Variants in SMG1 observed in about 807,000 individuals in gnomAD.
SMG1 encodes the protein serine/threonine-protein kinase SMG1.
A neutral mutation model predicts 419.9 loss-of-function variants in SMG1; 22 were observed. That is an observed-to-expected ratio of 0.05 (90% CI 0.04 to 0.07). SMG1 has a LOEUF of 0.07. SMG1 is among the 10% of genes least tolerant of loss of function. SMG1 has a pLI of 1.00. For missense variants in SMG1, 3,185 were observed against 4,342.0 expected, an observed-to-expected ratio of 0.73 and a Z score of 7.49; for synonymous variants, 1,538 against 1,553.5, an observed-to-expected ratio of 0.99 and a Z score of 0.23.
Position 18,806,134 on chromosome 16 carries a change from A to G in SMG1, c.*3435T>C, listed in dbSNP as rs1398870632. 6.6e-6 allele frequency: 1 copy of G among 152,656 alleles called. No homozygotes were observed. The allele number at this position is 152,656 out of a possible 1,614,324, so 9.5% of individuals were successfully genotyped here. ...AAGTCTAATATTTGGCTGTACTTGCATTGCCCTGCTCGGCATTTTTAAAAA... is the reference window on the plus strand; with the variant it reads ...AAGTCTAATATTTGGCTGTACTTGCGTTGCCCTGCTCGGCATTTTTAAAAA... On this transcript the variant is annotated 3_prime_UTR_variant, in exon 63 of 63. Coordinates refer to ENST00000446231, the MANE Select transcript of SMG1 (RefSeq NM_015092.5).
Position 18,815,544 on chromosome 16 carries a change from T to C in SMG1, c.10410A>G (p.Leu3470=), listed in dbSNP as rs540888568. The change falls in exon 59 of 63, where the codon CTA becomes CTG. Residue 3470 remains leucine, a synonymous_variant. Coordinates refer to ENST00000446231, the MANE Select transcript of SMG1 (RefSeq NM_015092.5). The part of the protein sequence containing the change: ...KSWQDNIQTV[L]FTLVQAMGQV... ...GACCCATAGCCTGGACTAATGTAAA[T>C]AGAACTGTTTGAATGTTGTCTTGCC... The C allele has an allele frequency of 8.2e-5, 132 of 1,613,978 alleles. 1 individual carries two copies. The highest frequency in any genetic ancestry group is 5.9e-4 in the South Asian group (54 of 91,086).
chr16:18,845,402 A>C, intron 39 of SMG1, 27 bp downstream of exon 39: 1 of 1,585,748 alleles, frequency 6.3e-7, no homozygotes, highest in Non-Finnish European at 8.6e-7. Flanking sequence ...GTGCCATTTC[A>C]GTAGCATGCT....
intron 1 of SMG1, chr16:18,911,762 A>G (rs2037801259): frequency 6.6e-6 from 1 of 151,960 alleles, no homozygotes; most frequent in Non-Finnish European, 1.5e-5. Context: ...TAAGATAAAT[A>G]TCTGTGAAGG....
chr16:18,850,672 G>T (rs1331659260), intron 33 of SMG1, among the ~76,000 whole-genome samples: 2 of 152,114 alleles, frequency 1.3e-5, no homozygotes, highest in African/African-American at 4.8e-5. Context: ...AAGAATATAA[G>T]CATTTAGCAA....
chr16:18,881,118 C>CA (rs35166606), intron 10 of SMG1, among the ~76,000 whole-genome samples: 13,139 of 142,326 alleles, frequency 0.092, 752 homozygotes, highest in African/African-American at 0.17. Context: ...GCTCTAGCTC[C>CA]AAAAAAAAAT....
Position 18,925,606 on chromosome 16 carries a change from C to A in SMG1, c.92+344G>T, listed in dbSNP as rs370333286. ...AACAGGGAGGGTCCTGGACTCTCAG[C>A]ATCTCCCAACTCGGGGTCAGGGGGA... is the stretch of plus-strand genomic sequence containing the variant. On this transcript the variant is annotated intron_variant, in intron 1 of 62. Coordinates refer to ENST00000446231, the MANE Select transcript of SMG1 (RefSeq NM_015092.5). 7.3e-4 allele frequency: 208 copies of A among 284,148 alleles called. 1 individual carries two copies. Among genetic ancestry groups the A allele is most frequent in the South Asian group, 6.6e-3 (89 of 13,506 alleles). 17.6% of individuals were successfully genotyped at this position (284,148 alleles called of 1,614,324 possible). A position where few individuals can be genotyped will look rare whatever the true frequency, so the allele number is the denominator to read the frequency against.
At chr16:18,911,069 C>G (rs1264510467) in intron 1 of SMG1, among the ~76,000 whole-genome samples, 1 of 152,168 alleles carries the variant, frequency 6.6e-6, no homozygotes, top group African/African-American at 2.4e-5. Context: ...ATTATGTTTG[C>G]TGGCTTATCA....
intron 1 of SMG1, among the ~76,000 whole-genome samples, chr16:18,923,877 T>G (rs1054211099): frequency 6.6e-6 from 1 of 152,134 alleles, no homozygotes; most frequent in African/African-American, 2.4e-5. Flanking sequence ...CAAATTTAAC[T>G]AATAAAAATT....
At chr16:18,815,337 TAAA>T in intron 59 of SMG1, 56 bp from the exon 60 acceptor site, 1 of 1,539,492 alleles carries the variant, frequency 6.5e-7, no homozygotes, top group Non-Finnish European at 8.9e-7. Flanking sequence ...ATACTACTTA[TAAA>T]AATATGAACA....
intron 1 of SMG1, among the ~76,000 whole-genome samples, chr16:18,908,535 T>C (rs991271914): frequency 4.2e-5 from 5 of 119,326 alleles, no homozygotes; most frequent in African/African-American, 1.6e-4. Flanking sequence ...ATCTCAAAAA[T>C]AGACAGGGAC....
intron 51 of SMG1, among the ~76,000 whole-genome samples, chr16:18,832,581 T>TGC (rs199964799): frequency 1.6e-3 from 127 of 81,556 alleles, no homozygotes; most frequent in African/African-American, 4.8e-3. Flanking sequence ...ACTATACACT[T>TGC]GCACACACAC....
At chr16:18,837,940 C>T (rs1486696670) in intron 45 of SMG1, 74 bp downstream of exon 45, 4 of 1,485,738 alleles carry the variant, frequency 2.7e-6, no homozygotes, top group Non-Finnish European at 3.7e-6. Context: ...AACAATTTGC[C>T]TCAACATTTT....
intron 54 of SMG1, 87 bp downstream of exon 54, chr16:18,829,199 A>C (rs185437048): frequency 4.2e-6 from 5 of 1,199,124 alleles, no homozygotes; most frequent in Non-Finnish European, 5.7e-6. Flanking sequence ...TTTTAAAAAA[A>C]TTTCTGTGTA....
intron 10 of SMG1, among the ~76,000 whole-genome samples, chr16:18,879,969 C>A (rs1316728839): frequency 6.6e-6 from 1 of 152,168 alleles, no homozygotes; most frequent in East Asian, 1.9e-4. Context: ...CTCTATTTCC[C>A]ATATACCCAA....
rs1192136676 is a variant in SMG1 at position 18,875,913 on chromosome 16, G to T, written c.1890+211C>A. 6 of 566,406 alleles carry T rather than the reference G, an allele frequency of 1.1e-5. No homozygotes were observed. The South Asian group carries it at 1.7e-4, about 16-fold the overall frequency. The allele number at this position is 566,406 out of a possible 1,614,324, so 35.1% of individuals were successfully genotyped here. The stretch of plus-strand genomic sequence containing the variant: ...AAACTAATATAAAAAAACTTATCAA[G>T]ATTTGTCAAGGAAAAAGAAGAAGAA... On this transcript the variant is annotated intron_variant, in intron 13 of 62. Transcript: ENST00000446231.
intron 60 of SMG1, among the ~76,000 whole-genome samples, chr16:18,814,069 A>T (rs1349997388): frequency 7.0e-6 from 1 of 143,468 alleles, no homozygotes; most frequent in African/African-American, 2.8e-5. Flanking sequence ...AAAAAAAAAT[A>T]AAATAAAATA....
chr16:18,901,755 G>A (rs1288448090), intron 1 of SMG1, among the ~76,000 whole-genome samples: 7 of 151,728 alleles, frequency 4.6e-5, no homozygotes, highest in East Asian at 1.9e-4. Flanking sequence ...CAGGTGGATC[G>A]CTTGAGGTCA....
chr16:18,809,507 G>T lies in SMG1; in HGVS notation c.*62C>A. 1 of 1,305,340 alleles carries T rather than the reference G, an allele frequency of 7.7e-7. No homozygotes were observed. Among genetic ancestry groups the T allele is most frequent in the Non-Finnish European group, 1.1e-6 (1 of 914,338 alleles). The allele number at this position is 1,305,340 out of a possible 1,614,324, so 80.9% of individuals were successfully genotyped here. A position where few individuals can be genotyped will look rare whatever the true frequency, so the allele number is the denominator to read the frequency against. The stretch of plus-strand genomic sequence containing the variant: ...TGTGGTGTGGCTTTGGATGCCTGAG[G>T]CTGAGTTGATTCTGGTGGATGTCTG... On this transcript the variant is annotated 3_prime_UTR_variant, in exon 63 of 63. Coordinates refer to ENST00000446231, the MANE Select transcript of SMG1 (RefSeq NM_015092.5).
intron 9 of SMG1, 132 bp downstream of exon 9, chr16:18,883,938 T>C (rs1047747383): frequency 3.1e-5 from 13 of 416,504 alleles, no homozygotes; most frequent in Admixed American, 9.0e-5. Context: ...AAAAAAAATG[T>C]TTAAAATATT....
Sources: allele counts gnomAD v4.1 joint callset (sites outside exome capture counted in the v4.1 genomes callset), GRCh38; gene constraint gnomAD v4.1.1; transcripts MANE v1.5; gene names NCBI Gene and HGNC (gene_info 2026-07-23, HGNC 2026-07-21).